FYB2: variants seen among roughly 807,000 people sequenced by gnomAD.
FYB2 encodes FYN binding protein 2.
Under a neutral mutation model 94.1 loss-of-function variants are expected in FYB2, and 103 were observed. The observed-to-expected ratio is 1.09, with a 90% CI of 0.93 to 1.29. The LOEUF (loss-of-function observed/expected upper bound fraction) is 1.29, where lower values mean the gene tolerates loss of function less well. Among genes scored for constraint, FYB2 ranks in the 50% most tolerant of loss-of-function variants. FYB2 has a pLI of 0.00. For missense variants in FYB2, 896 were observed against 841.5 expected (o/e 1.06, Z -0.80); for synonymous variants, 293 against 287.9 (o/e 1.02, Z -0.18).
chr1:56,763,786 T>TTTTCA (rs1007674945), intron 5 of FYB2, among the ~76,000 whole-genome samples: 2 of 152,098 alleles, frequency 1.3e-5, no homozygotes, highest in African/African-American at 2.4e-5. Flanking sequence ...TTGTTTTTTG[T>TTTTCA]TTTCATTTCA....
intron 17 of FYB2, among the ~76,000 whole-genome samples, chr1:56,721,469 T>C (rs1217664776): frequency 6.6e-6 from 1 of 152,088 alleles, no homozygotes; most frequent in East Asian, 1.9e-4. Context: ...TTTCCTTTAC[T>C]TAAAGTAATC....
intron 1 of FYB2, among the ~76,000 whole-genome samples, chr1:56,812,363 G>A (rs896260388): frequency 2.6e-5 from 4 of 152,050 alleles, no homozygotes; most frequent in African/African-American, 9.7e-5. Flanking sequence ...CCAAACTAAC[G>A]GTTAGGAATG....
intron 5 of FYB2, chr1:56,761,966 A>G (rs915251538): frequency 1.3e-5 from 2 of 152,120 alleles, no homozygotes; most frequent in African/African-American, 4.8e-5. Flanking sequence ...GTCCAACACC[A>G]TTTTTTAAAA....
chr1:56,765,575 T>C (rs2100797172), intron 5 of FYB2, among the ~76,000 whole-genome samples: 1 of 152,318 alleles, frequency 6.6e-6, no homozygotes, highest in East Asian at 1.9e-4. Context: ...GACTAGTTAT[T>C]GTCTAGAGGT....
chr1:56,738,056 C>A (rs77101225), intron 14 of FYB2, among the ~76,000 whole-genome samples: 2,046 of 152,166 alleles, frequency 0.013, 45 homozygotes, highest in African/African-American at 0.046. Flanking sequence ...GAACACATGA[C>A]CCTCTTTTAT....
Position 56,728,374 on chromosome 1 carries a change from T to C in FYB2, c.1794-1791A>G, listed in dbSNP as rs112355169. Among the ~76,000 whole-genome samples the C allele has an allele frequency of 5.3e-4, 80 of 152,250 alleles. 1 individual carries two copies. The highest frequency in any genetic ancestry group is 1.9e-3 in the African/African-American group (79 of 41,566). On this transcript the variant is annotated intron_variant, in intron 15 of 19. Transcript: ENST00000343433. Reference sequence around the variant, plus strand: ...GCACATTTTTATAGCAGGTCCTTCTTTGTTAACTAATTTATCAAATTATGT... The same window carrying C: ...GCACATTTTTATAGCAGGTCCTTCTCTGTTAACTAATTTATCAAATTATGT...
intron 3 of FYB2, among the ~76,000 whole-genome samples, chr1:56,788,360 C>T (rs1350810236): frequency 6.6e-6 from 1 of 152,162 alleles, no homozygotes. Flanking sequence ...TTAGAGCAAA[C>T]ATAAGCTAAG....
chr1:56,811,012 C>G (rs1646754733), intron 1 of FYB2, among the ~76,000 whole-genome samples: 1 of 152,152 alleles, frequency 6.6e-6, no homozygotes, highest in African/African-American at 2.4e-5. Context: ...TCATCATCAT[C>G]AACAGCAACA....
chr1:56,749,887 T>C (rs1184615107), intron 9 of FYB2, among the ~76,000 whole-genome samples: 1 of 152,088 alleles, frequency 6.6e-6, no homozygotes, highest in Non-Finnish European at 1.5e-5. Context: ...TGCTTTTCTT[T>C]ATAAATCAGT....
At chr1:56,731,302 A>G (rs968351230) in intron 15 of FYB2, among the ~76,000 whole-genome samples, 5 of 152,108 alleles carry the variant, frequency 3.3e-5, no homozygotes, top group African/African-American at 1.2e-4. Context: ...CAAGTTAGTT[A>G]CCCTTAGCCT....
At chr1:56,782,570 C>T (rs1403122467) in intron 4 of FYB2, among the ~76,000 whole-genome samples, 1 of 151,844 alleles carries the variant, frequency 6.6e-6, no homozygotes, top group Non-Finnish European at 1.5e-5. Flanking sequence ...AACACAAATA[C>T]AAATATGTGT....
chr1:56,792,867 A>G (rs931821889), intron 1 of FYB2, 64 bp from the exon 2 acceptor site: 10 of 1,472,534 alleles, frequency 6.8e-6, no homozygotes, highest in Non-Finnish European at 9.2e-6. Context: ...AACAACAAAA[A>G]CAAGTGTCTC....
In FYB2 at chr1:56,751,130, G is replaced by A. The variant is rs761158506; in HGVS notation, c.1301C>T (p.Ala434Val). The A allele has an allele frequency of 1.9e-5, 30 of 1,612,738 alleles. No individual in the cohort carries two copies. In the African/African-American group the frequency reaches 3.2e-4, roughly 17 times the overall value. Residue 434 changes from alanine (A) to valine (V), a missense_variant, in exon 9 of 20, where the codon GCT becomes GTT. Transcript: ENST00000343433. ...GTCAATCATGGCCTCTTGCTTTCCA[G>A]CCAACATGTTCCTTCTACCTGTGTG... ...NVHTGRRNMLAGKQEAMIDII... is the reference protein window; with the variant it reads ...NVHTGRRNMLVGKQEAMIDII...
At chr1:56,730,145 T>A (rs1644673724) in intron 15 of FYB2, among the ~76,000 whole-genome samples, 1 of 150,102 alleles carries the variant, frequency 6.7e-6, no homozygotes, top group East Asian at 2.0e-4. Context: ...ACAAACCAAA[T>A]CCAAAGTTAG....
chr1:56,813,850 A>G (rs1378800294), intron 1 of FYB2, among the ~76,000 whole-genome samples: 1 of 152,232 alleles, frequency 6.6e-6, no homozygotes, highest in Admixed American at 6.5e-5. Context: ...TGGGACACAG[A>G]CAAATTAATT....
At chr1:56,735,475 G>A (rs917222418) in intron 15 of FYB2, among the ~76,000 whole-genome samples, 2 of 152,134 alleles carry the variant, frequency 1.3e-5, no homozygotes, top group African/African-American at 4.8e-5. Flanking sequence ...GGAATAGAGA[G>A]AGATTAGTTC....
chr1:56,771,343 C>T (rs955581898), intron 4 of FYB2, among the ~76,000 whole-genome samples: 6 of 151,658 alleles, frequency 4.0e-5, no homozygotes, highest in South Asian at 2.1e-4. Flanking sequence ...AACACAGCTT[C>T]GTAAAAAAAA....
chr1:56,762,701 T>C (rs1219276873), intron 5 of FYB2, among the ~76,000 whole-genome samples: 1 of 152,234 alleles, frequency 6.6e-6, no homozygotes, highest in Non-Finnish European at 1.5e-5. Flanking sequence ...GTTTTATTTA[T>C]TCCTTTTCTA....
In FYB2 at chr1:56,754,011, T is replaced by A. The variant is rs553898260; in HGVS notation, c.1131-76A>T. The A allele has an allele frequency of 1.4e-5, 12 of 855,248 alleles. No individual in the cohort carries two copies. The South Asian group carries it at 1.6e-4, about 12-fold the overall frequency. 53.0% of individuals were successfully genotyped at this position (855,248 alleles called of 1,614,324 possible). A position where few individuals can be genotyped will look rare whatever the true frequency, so the allele number is the denominator to read the frequency against. On this transcript the variant is annotated intron_variant, in intron 7 of 19. Coordinates refer to ENST00000343433, the MANE Select transcript of FYB2 (RefSeq NM_001004303.5). ...TGATAGTGTACTGTCCAATCCTAAA[T>A]GAAATGAATGGGAAAAATAGATTTG...
Sources: gnomAD v4.1 joint callset for allele counts (sites outside exome capture counted in the v4.1 genomes callset) on GRCh38, gnomAD v4.1.1 for gene constraint, MANE v1.5 for transcripts, NCBI Gene and HGNC (gene_info 2026-07-23, HGNC 2026-07-21) for gene names.